The following JMJD1C variants were observed in gnomAD, a reference collection of about 807,000 sequenced individuals.
The protein encoded by JMJD1C is jumonji domain containing 1C, also known as jumonji domain-containing protein 1C.
In JMJD1C, 31 loss-of-function variants were observed where a neutral mutation model predicts 245.3. The observed-to-expected ratio is 0.13, with a 90% CI of 0.09 to 0.17. JMJD1C has a LOEUF of 0.17. Among genes scored for constraint, JMJD1C ranks in the 10% least tolerant of loss-of-function variants. The probability of loss-of-function intolerance (pLI) is 1.00; values close to 1 mark genes in which losing one functional copy is unlikely to be tolerated. For synonymous variants in JMJD1C, 1,057 were observed against 1,017.4 expected, an observed-to-expected ratio of 1.04 and a Z score of -0.74; for missense variants, 2,691 against 3,000.2, an observed-to-expected ratio of 0.90 and a Z score of 2.41.
At chr10:63,334,404 G>C (rs117661976) in intron 2 of JMJD1C, among the ~76,000 whole-genome samples, 2,021 of 152,132 alleles carry the variant, frequency 0.013, 30 homozygotes, top group African/African-American at 0.034. Flanking sequence ...CTATATGTCA[G>C]GAATACACTA....
At chr10:63,250,776 C>T (rs1362831426) in intron 3 of JMJD1C, among the ~76,000 whole-genome samples, 2 of 152,056 alleles carry the variant, frequency 1.3e-5, no homozygotes, top group East Asian at 1.9e-4. Flanking sequence ...TATCTCACTC[C>T]GTTACCCTGG....
intron 2 of JMJD1C, among the ~76,000 whole-genome samples, chr10:63,300,254 C>G (rs1859921108): frequency 6.6e-6 from 1 of 152,120 alleles, no homozygotes; most frequent in East Asian, 1.9e-4. Flanking sequence ...GCTCTGTATG[C>G]TGGGTTCAGA....
chr10:63,353,510 T>C (rs890351411), intron 2 of JMJD1C, among the ~76,000 whole-genome samples: 2 of 152,076 alleles, frequency 1.3e-5, no homozygotes, highest in Non-Finnish European at 2.9e-5. Context: ...CACAGGTACT[T>C]TGGGAATCTT....
At chr10:63,474,976 G>T (rs1307604458) in intron 1 of JMJD1C, among the ~76,000 whole-genome samples, 4 of 152,188 alleles carry the variant, frequency 2.6e-5, no homozygotes, top group African/African-American at 4.8e-5. Flanking sequence ...ACCCATGGGG[G>T]TGGGTAGTAT....
Position 63,206,962 on chromosome 10 carries a change from T to C in JMJD1C, c.4707A>G (p.Glu1569=). ...SEEDKNTNKM[E]NSGNSVSEII... is the part of the protein sequence containing the mutation. ...TTTCTGATACAGAATTCCCTGAATT[T>C]TCCATTTTATTAGTATTTTTATCTT... Residue 1569 remains glutamate (E), a synonymous_variant, in exon 10 of 26, where the codon GAA becomes GAG. Coordinates refer to ENST00000399262, the MANE Select transcript of JMJD1C (RefSeq NM_032776.3). 1.2e-6 allele frequency: 2 copies of C among 1,611,726 alleles called. No individual in the cohort carries two copies. Among genetic ancestry groups the C allele is most frequent in the Non-Finnish European group, 1.7e-6 (2 of 1,179,374 alleles).
At chr10:63,188,369 TCA>T (rs1844376393) in intron 18 of JMJD1C, among the ~76,000 whole-genome samples, 1 of 152,206 alleles carries the variant, frequency 6.6e-6, no homozygotes, top group Admixed American at 6.5e-5. Context: ...GATTCAGCTT[TCA>T]TCAGATTTTG....
At chr10:63,365,400 T>C (rs1945747274) in intron 2 of JMJD1C, among the ~76,000 whole-genome samples, 1 of 152,212 alleles carries the variant, frequency 6.6e-6, no homozygotes, top group Non-Finnish European at 1.5e-5. Context: ...AATTAGGTTG[T>C]TTTCCTTTTA....
intron 3 of JMJD1C, among the ~76,000 whole-genome samples, chr10:63,231,934 T>G (rs1024988747): frequency 6.6e-6 from 1 of 152,020 alleles, no homozygotes; most frequent in Non-Finnish European, 1.5e-5. Flanking sequence ...GTCTCCTGGG[T>G]TCAAGCAATT....
intron 1 of JMJD1C, among the ~76,000 whole-genome samples, chr10:63,476,201 T>A (rs1479153965): frequency 6.7e-6 from 1 of 148,480 alleles, no homozygotes; most frequent in Non-Finnish European, 1.5e-5. Context: ...CAGAATGAGA[T>A]TTTGTCTAAA....
chr10:63,336,710 A>G (rs1942770643), intron 2 of JMJD1C, among the ~76,000 whole-genome samples: 1 of 152,170 alleles, frequency 6.6e-6, no homozygotes, highest in Non-Finnish European at 1.5e-5. Flanking sequence ...TTTCACACAA[A>G]TCCTATATTA....
chr10:63,328,962 G>C (rs1941832655), intron 2 of JMJD1C, among the ~76,000 whole-genome samples: 1 of 152,066 alleles, frequency 6.6e-6, no homozygotes, highest in Admixed American at 6.6e-5. Flanking sequence ...CTGTATTCAC[G>C]CACTGGAAAT....
chr10:63,435,697 C>T (rs187118254), intron 1 of JMJD1C, among the ~76,000 whole-genome samples: 120 of 152,112 alleles, frequency 7.9e-4, no homozygotes, highest in African/African-American at 2.7e-3. Context: ...GTCAGGAGTT[C>T]GACACGAATC....
At chr10:63,437,581 T>C (rs1204076529) in intron 1 of JMJD1C, among the ~76,000 whole-genome samples, 1 of 152,214 alleles carries the variant, frequency 6.6e-6, no homozygotes, top group African/African-American at 2.4e-5. Context: ...CATACAAATA[T>C]GGTATATTGT....
chr10:63,338,087 G>C (rs1387486663), intron 2 of JMJD1C, among the ~76,000 whole-genome samples: 1 of 152,104 alleles, frequency 6.6e-6, no homozygotes, highest in Non-Finnish European at 1.5e-5. Flanking sequence ...TAAATAAACA[G>C]AAATACTATT....
At chr10:63,313,343 A>T (rs1196023133) in intron 2 of JMJD1C, among the ~76,000 whole-genome samples, 1 of 152,098 alleles carries the variant, frequency 6.6e-6, no homozygotes, top group East Asian at 1.9e-4. Context: ...CCACTCCTTG[A>T]TTGATGAGCA....
At chr10:63,358,874 T>G (rs1375871925) in intron 2 of JMJD1C, 1 of 153,816 alleles carries the variant, frequency 6.5e-6, no homozygotes, top group African/African-American at 2.4e-5. Context: ...ACAGTTTTGA[T>G]TAGTAACGAT....
intron 2 of JMJD1C, among the ~76,000 whole-genome samples, chr10:63,293,385 T>C (rs1859007655): frequency 6.6e-6 from 1 of 152,220 alleles, no homozygotes; most frequent in Non-Finnish European, 1.5e-5. Context: ...AATATATCAC[T>C]ACCTTCCTAG....
In JMJD1C at chr10:63,184,711, T is replaced by C. The variant is rs760036423; in HGVS notation, c.6858A>G (p.Pro2286=). 4.3e-6 allele frequency: 7 copies of C among 1,609,924 alleles called. No individual in the cohort carries two copies. The highest frequency in any genetic ancestry group is 4.5e-5 in the East Asian group (2 of 44,884). The change falls in exon 21 of 26, where the codon CCA becomes CCG. Residue 2286 remains proline (P), a synonymous_variant. Coordinates refer to ENST00000399262, the MANE Select transcript of JMJD1C (RefSeq NM_032776.3). ...ARYEDLLKSL[P]LPEYCNPEGK... ...CTTCTGGATTACAATATTCTGGCAA[T>C]GGCAGACTTTTTAAAAGATCTTCGT... is the stretch of plus-strand genomic sequence containing the variant.
Position 63,217,305 on chromosome 10 carries a change from C to G in JMJD1C, c.580G>C (p.Val194Leu). ...QGPYSLNGYR[V>L]RVYRQDSATQ... ...GCAGAGTCTTGTCTATATACTCTCA[C>G]TCTGTATCCATTTAAGGAATAAGGA... The change falls in exon 5 of 26, where the codon GTG (valine) becomes CTG (leucine). Residue 194 changes from valine (V) to leucine (L), a missense_variant. Val to Leu is a conservative substitution (Grantham distance 32). Coordinates refer to ENST00000399262, the MANE Select transcript of JMJD1C (RefSeq NM_032776.3). 6.2e-7 allele frequency: 1 copy of G among 1,602,304 alleles called. No individual in the cohort carries two copies.
Sources: gnomAD v4.1 joint callset for allele counts (sites outside exome capture counted in the v4.1 genomes callset) on GRCh38, gnomAD v4.1.1 for gene constraint, MANE v1.5 for transcripts, NCBI Gene and HGNC (gene_info 2026-07-23, HGNC 2026-07-21) for gene names.